Variants in CSMD2 observed in about 807,000 individuals in gnomAD.
CSMD2 encodes the protein CUB and sushi domain-containing protein 2.
In CSMD2, 130 loss-of-function variants were observed where a neutral mutation model predicts 398.5. The observed-to-expected ratio is 0.33, with a 90% CI of 0.28 to 0.38. The LOEUF (loss-of-function observed/expected upper bound fraction) is 0.38. Ranked by LOEUF, CSMD2 falls within the 10% of genes least tolerant of loss-of-function variation. The probability of loss-of-function intolerance (pLI) is 1.00; values close to 1 mark genes in which losing one functional copy is unlikely to be tolerated. For synonymous variants in CSMD2, 1,828 were observed against 1,908.5 expected (o/e 0.96, Z 1.10); for missense variants, 3,829 against 4,764.9 (o/e 0.80, Z 5.78).
rs116633751 is a variant in CSMD2 at position 34,005,613 on chromosome 1, C to T, written c.517+26981G>A. 9.4e-3 allele frequency among the ~76,000 whole-genome samples: 1,429 copies of T among 152,290 alleles called. 20 individuals are homozygous for T. Among genetic ancestry groups the T allele is most frequent in the African/African-American group, 0.033 (1,367 of 41,560 alleles). ...GAGGAGCCCATCAAGCTTGAACCTT[C>T]CTTGCACTCACCGGTTTGGTATAGT... On this transcript the variant is annotated intron_variant, in intron 3 of 70. Transcript: ENST00000373381.
chr1:33,757,522 C>T (rs889230189), intron 13 of CSMD2, among the ~76,000 whole-genome samples: 1 of 152,012 alleles, frequency 6.6e-6, no homozygotes, highest in African/African-American at 2.4e-5. Flanking sequence ...TATAGGTTTG[C>T]CCTAGGCGCT....
At chr1:33,583,939 G>A in intron 46 of CSMD2, 109 bp from the exon 47 acceptor site, 1 of 891,216 alleles carries the variant, frequency 1.1e-6, no homozygotes, top group Non-Finnish European at 1.7e-6. Context: ...ATCAGTATTT[G>A]AGCACATTCA....
At chr1:34,071,314 AC>A (rs1655713187) in intron 2 of CSMD2, among the ~76,000 whole-genome samples, 1 of 152,244 alleles carries the variant, frequency 6.6e-6, no homozygotes, top group South Asian at 2.1e-4. Flanking sequence ...AGTAGTCTAT[AC>A]TGTCTACAGT....
intron 5 of CSMD2, among the ~76,000 whole-genome samples, chr1:33,911,970 G>T (rs776364898): frequency 2.6e-5 from 4 of 152,196 alleles, no homozygotes; most frequent in Non-Finnish European, 5.9e-5. Context: ...AGAAGAATGC[G>T]CTTCCCACCA....
At chr1:34,012,587 A>C (rs1261519304) in intron 3 of CSMD2, among the ~76,000 whole-genome samples, 1 of 152,000 alleles carries the variant, frequency 6.6e-6, no homozygotes, top group Admixed American at 6.6e-5. Context: ...GACTACAGGC[A>C]TGCACCACCA....
intron 5 of CSMD2, among the ~76,000 whole-genome samples, chr1:33,872,561 C>A (rs1640551060): frequency 1.3e-5 from 2 of 152,104 alleles, no homozygotes; most frequent in Non-Finnish European, 2.9e-5. Context: ...GCCATCTTTT[C>A]AAGAGGCTCA....
At chr1:33,972,878 A>G (rs1301533669) in intron 3 of CSMD2, among the ~76,000 whole-genome samples, 1 of 152,014 alleles carries the variant, frequency 6.6e-6, no homozygotes, top group Non-Finnish European at 1.5e-5. Flanking sequence ...TCATCTACTG[A>G]TGTTTCTCCA....
intron 65 of CSMD2, 151 bp downstream of exon 65, chr1:33,527,045 G>A (rs1315403613): frequency 1.3e-6 from 1 of 740,922 alleles, no homozygotes; most frequent in African/African-American, 1.7e-5. Context: ...CTGGGCTGGG[G>A]AGGTGGGTAG....
At chr1:34,089,883 C>A (rs1658358167) in intron 1 of CSMD2, among the ~76,000 whole-genome samples, 1 of 152,294 alleles carries the variant, frequency 6.6e-6, no homozygotes, top group East Asian at 1.9e-4. Context: ...CTACCCCACT[C>A]CTCGTCTCCC....
chr1:33,777,210 C>A (rs1400674826), intron 12 of CSMD2, among the ~76,000 whole-genome samples: 2 of 152,094 alleles, frequency 1.3e-5, no homozygotes, highest in African/African-American at 4.8e-5. Context: ...GGTGACTTCA[C>A]GGGAACTCAG....
rs183928895 is a variant in CSMD2 at position 34,155,120 on chromosome 1, G to C, written c.187+9791C>G. On this transcript the variant is annotated intron_variant, in intron 1 of 70. Transcript: ENST00000373381. ...TTAGCTTCAGGATTGGGGATGAAGG[G>C]AGGCAAACTTTGTAAATAAGAGAGA... is the stretch of plus-strand genomic sequence containing the variant. 3.0e-4 allele frequency among the ~76,000 whole-genome samples: 46 copies of C among 152,308 alleles called. No individual in the cohort carries two copies. In the East Asian group the frequency reaches 8.3e-3, roughly 27 times the overall value.
intron 15 of CSMD2, among the ~76,000 whole-genome samples, chr1:33,738,762 C>G (rs1646961711): frequency 6.6e-6 from 1 of 152,076 alleles, no homozygotes; most frequent in Admixed American, 6.5e-5. Context: ...TGACAGGCAG[C>G]TTGAAAGACC....
At chr1:33,787,492 C>G (rs576286743) in intron 12 of CSMD2, among the ~76,000 whole-genome samples, 2 of 152,204 alleles carry the variant, frequency 1.3e-5, no homozygotes, top group African/African-American at 4.8e-5. Context: ...AAAGCGCTTT[C>G]CTGATCCCCT....
At chr1:33,670,932 A>T (rs1273228180) in intron 25 of CSMD2, among the ~76,000 whole-genome samples, 1 of 152,160 alleles carries the variant, frequency 6.6e-6, no homozygotes, top group African/African-American at 2.4e-5. Context: ...TATCTTTATA[A>T]GAGAAAAGAG....
intron 44 of CSMD2, chr1:33,592,458 G>T (rs913204604): frequency 8.4e-6 from 6 of 716,738 alleles, no homozygotes; most frequent in Non-Finnish European, 1.0e-5. Context: ...GCGTGGAGGG[G>T]TGTCACAATG....
In CSMD2 at chr1:33,540,639, T is replaced by G; in HGVS notation, c.9517A>C (p.Met3173Leu). 1 of 1,614,162 alleles carries G rather than the reference T, an allele frequency of 6.2e-7. No homozygotes were observed. The highest frequency in any genetic ancestry group is 8.5e-7 in the Non-Finnish European group (1 of 1,180,036). ...GCATAAGTCACACTTGAGCCCCACATGAAGTCAGACCCCACCACCTTCCCA... is the reference window on the plus strand; with the variant it reads ...GCATAAGTCACACTTGAGCCCCACAGGAAGTCAGACCCCACCACCTTCCCA... Reference protein sequence around the residue: ...PNGKVVGSDFMWGSSVTYACL... With the variant: ...PNGKVVGSDFLWGSSVTYACL... The change falls in exon 60 of 71, where the codon ATG (methionine) becomes CTG (leucine). Residue 3173 changes from methionine (M) to leucine (L), a missense_variant. Physicochemically the swap from Met to Leu is conservative, Grantham distance 15. This residue lies in a region of CSMD2 where 917 missense variants were observed against 1,199.5 expected (regional missense o/e 0.76). Coordinates refer to ENST00000373381, the MANE Select transcript of CSMD2 (RefSeq NM_001281956.2).
At chr1:33,732,144 A>T (rs1646741484) in intron 15 of CSMD2, among the ~76,000 whole-genome samples, 1 of 152,126 alleles carries the variant, frequency 6.6e-6, no homozygotes, top group Non-Finnish European at 1.5e-5. Context: ...ACACACACAA[A>T]GAAAAGAAGG....
At chr1:34,003,068 G>A (rs376655552) in intron 3 of CSMD2, among the ~76,000 whole-genome samples, 24 of 152,058 alleles carry the variant, frequency 1.6e-4, no homozygotes, top group African/African-American at 5.6e-4. Flanking sequence ...CAGTAGAGAA[G>A]GCCAGGCAAG....
intron 3 of CSMD2, among the ~76,000 whole-genome samples, chr1:33,955,576 G>A (rs1187733920): frequency 1.3e-5 from 2 of 152,250 alleles, no homozygotes; most frequent in South Asian, 2.1e-4. Flanking sequence ...CAATCTTAAC[G>A]AAAGTCACTC....
Sources: gnomAD v4.1 joint callset for allele counts (sites outside exome capture counted in the v4.1 genomes callset) on GRCh38, gnomAD v4.1.1 for gene constraint, gnomAD v4.1.1 regional missense constraint, MANE v1.5 for transcripts, NCBI Gene and HGNC (gene_info 2026-07-23, HGNC 2026-07-21) for gene names.